Variants in TWIST2 observed in about 807,000 individuals in gnomAD.
TWIST2 encodes twist family bHLH transcription factor 2, also known as twist-related protein 2.
In TWIST2, 1 loss-of-function variant was observed where a neutral mutation model predicts 11.6. The observed-to-expected ratio is 0.09, with a 90% CI of 0.03 to 0.41. The LOEUF is 0.41. Among genes scored for constraint, TWIST2 ranks in the 10% least tolerant of loss-of-function variants. TWIST2 has a pLI of 0.98. For synonymous variants in TWIST2, 87 were observed against 96.6 expected (o/e 0.90, Z 0.58); for missense variants, 168 against 226.4 (o/e 0.74, Z 1.66).
chr2:238,850,818 A>AT (rs1475666056), intron 1 of TWIST2, among the ~76,000 whole-genome samples: 1 of 152,232 alleles, frequency 6.6e-6, no homozygotes, highest in Non-Finnish European at 1.5e-5. Context: ...ATACTGGACT[A>AT]TAACTGAGTA....
chr2:238,902,789 GT>G (rs1693289112), intron 1 of TWIST2, among the ~76,000 whole-genome samples: 1 of 147,898 alleles, frequency 6.8e-6, no homozygotes, highest in South Asian at 2.2e-4. Context: ...GTGATGTGGG[GT>G]GTTGTGATGT....
chr2:238,870,187 T>C (rs1012805671), intron 1 of TWIST2, among the ~76,000 whole-genome samples: 1 of 376 alleles, frequency 2.7e-3, no homozygotes, highest in East Asian at 0.071. Context: ...CACACACACA[T>C]CACATACCAC....
chr2:238,848,918 C>A (rs895935176), intron 1 of TWIST2, among the ~76,000 whole-genome samples, 185 bp downstream of exon 1: 1 of 152,102 alleles, frequency 6.6e-6, no homozygotes, highest in Admixed American at 6.5e-5. Flanking sequence ...CCAGGGACAC[C>A]CCTGAGTGCA....
At chr2:238,857,143 TGG>T (rs1692346255) in intron 1 of TWIST2, among the ~76,000 whole-genome samples, 1 of 152,058 alleles carries the variant, frequency 6.6e-6, no homozygotes. Context: ...AGGGGCACCA[TGG>T]GCATGGTGCC....
intron 1 of TWIST2, among the ~76,000 whole-genome samples, chr2:238,889,754 T>C (rs561653820): frequency 4.6e-5 from 7 of 152,244 alleles, no homozygotes; most frequent in Non-Finnish European, 8.8e-5. Context: ...AAATGACGGC[T>C]CTGATGCTCT....
chr2:238,908,752 T>TGCA (rs1693399823), intron 1 of TWIST2, among the ~76,000 whole-genome samples: 22 of 151,694 alleles, frequency 1.5e-4, no homozygotes, highest in African/African-American at 3.4e-4. Flanking sequence ...GTGGTGTGTT[T>TGCA]GTGTGTGGTA....
intron 1 of TWIST2, among the ~76,000 whole-genome samples, chr2:238,856,148 T>C (rs1035576088): frequency 6.6e-6 from 1 of 152,028 alleles, no homozygotes; most frequent in African/African-American, 2.4e-5. Flanking sequence ...GAGCTTATCT[T>C]GAGGTCCCGT....
chr2:238,906,024 G>A (rs988394529), intron 1 of TWIST2, among the ~76,000 whole-genome samples: 2 of 152,060 alleles, frequency 1.3e-5, no homozygotes, highest in African/African-American at 4.8e-5. Flanking sequence ...GTTTTCATAC[G>A]CATGGGTTTC....
In TWIST2 at chr2:238,867,994, G is replaced by A. The variant is rs1171671430; in HGVS notation, c.*35+19261G>A. On this transcript the variant is annotated intron_variant, in intron 1 of 1. Coordinates refer to ENST00000612363, the MANE Select transcript of TWIST2 (RefSeq NM_001271893.4). The surrounding 1 kb of genome is among the most constrained non-coding windows in gnomAD (Gnocchi z 4.8). The stretch of plus-strand genomic sequence containing the variant: ...CTGCATGTAGTGAGGCTCGGGAAAC[G>A]TGGAACGAAAGAAAGATAGAAAAAA... Among the ~76,000 whole-genome samples the A allele has an allele frequency of 1.3e-5, 2 of 152,206 alleles. No individual in the cohort carries two copies. Among genetic ancestry groups the A allele is most frequent in the South Asian group, 2.1e-4 (1 of 4,834 alleles).
intron 1 of TWIST2, among the ~76,000 whole-genome samples, chr2:238,860,113 G>A (rs372215614): frequency 1.3e-5 from 2 of 152,288 alleles, no homozygotes; most frequent in African/African-American, 4.8e-5. Context: ...CCCAGGGCTC[G>A]TCTGCCCGCT....
In TWIST2 at chr2:238,848,547, C is replaced by T; in HGVS notation, c.332C>T (p.Ala111Val). ...LSKIQTLKLA[A>V]RYIDFLYQVL... ...AAGATCCAGACGCTCAAGCTGGCCG[C>T]CAGGTACATAGACTTCCTCTACCAG... is the stretch of plus-strand genomic sequence containing the variant. The change falls in exon 1 of 2, where the codon GCC becomes GTC. Residue 111 changes from alanine (A) to valine (V), a missense_variant. By Grantham distance (64) the Ala-to-Val change is moderately conservative. Transcript: ENST00000612363. 6.3e-7 allele frequency: 1 copy of T among 1,591,606 alleles called. No homozygotes were observed. The highest frequency in any genetic ancestry group is 8.5e-7 in the Non-Finnish European group (1 of 1,170,908).
At chr2:238,852,136 A>G (rs902808960) in intron 1 of TWIST2, among the ~76,000 whole-genome samples, 1 of 152,132 alleles carries the variant, frequency 6.6e-6, no homozygotes. Flanking sequence ...AAAAAAATTT[A>G]AAAAAAGAAA....
Position 238,909,039 on chromosome 2 carries a change from TGG to T in TWIST2, c.*36-802_*36-801del, listed in dbSNP as rs1693408000. Among the ~76,000 whole-genome samples the T allele has an allele frequency of 5.3e-4, 80 of 152,310 alleles. 3 individuals are homozygous for T. The highest frequency in any genetic ancestry group is 1.8e-3 in the African/African-American group (76 of 41,508). On this transcript the variant is annotated intron_variant, in intron 1 of 1. Coordinates refer to ENST00000612363, the MANE Select transcript of TWIST2 (RefSeq NM_001271893.4). ...TGTATGTGGAGGTGTGGTGTATTCG[TGG>T]TTGTGGTATGTGTATGTGGTGTGTA...
intron 1 of TWIST2, among the ~76,000 whole-genome samples, chr2:238,907,464 G>C (rs1032445400): frequency 6.6e-6 from 1 of 152,270 alleles, no homozygotes; most frequent in East Asian, 1.9e-4. Flanking sequence ...GGTAGCGCCT[G>C]AGCGGGTTCT....
At chr2:238,869,449 C>T (rs964897140) in intron 1 of TWIST2, among the ~76,000 whole-genome samples, 1 of 152,222 alleles carries the variant, frequency 6.6e-6, no homozygotes. Context: ...GCAAATTATC[C>T]ATCTGATAGG....
chr2:238,892,597 C>T (rs376675619), intron 1 of TWIST2, among the ~76,000 whole-genome samples: 4 of 152,116 alleles, frequency 2.6e-5, no homozygotes, highest in African/African-American at 9.7e-5. Context: ...TCTCCTGCCT[C>T]AGCCCCCCGA....
intron 1 of TWIST2, among the ~76,000 whole-genome samples, chr2:238,903,071 T>G: frequency 1.6e-5 from 2 of 121,996 alleles, no homozygotes; most frequent in Non-Finnish European, 1.7e-5. Context: ...TGATGTAGTG[T>G]GTGTGATGTG....
intron 1 of TWIST2, among the ~76,000 whole-genome samples, chr2:238,879,406 G>C (rs945825973): frequency 1.3e-5 from 2 of 152,138 alleles, no homozygotes; most frequent in Non-Finnish European, 2.9e-5. Flanking sequence ...CACTCCCAAA[G>C]CTTCTCATTC....
In TWIST2 at chr2:238,880,641, CTT is replaced by C. The variant is rs1385035164; in HGVS notation, c.*36-29200_*36-29199del. ...TATTAGTATTAGTGTTACTGTTAGT[CTT>C]AGTGTTAGTGTCAGTATTAGTATTA... On this transcript the variant is annotated intron_variant, in intron 1 of 1. Transcript: ENST00000612363. 9.1e-5 allele frequency among the ~76,000 whole-genome samples: 8 copies of C among 88,130 alleles called. No individual in the cohort carries two copies. In the East Asian group the frequency reaches 2.5e-3, roughly 27 times the overall value. 57.8% of individuals were successfully genotyped at this position (88,130 alleles called of 152,430 possible).
Sources: allele counts gnomAD v4.1 joint callset (sites outside exome capture counted in the v4.1 genomes callset), GRCh38; gene constraint gnomAD v4.1.1; non-coding constraint Gnocchi (gnomAD v3.1); transcripts MANE v1.5; gene names NCBI Gene and HGNC (gene_info 2026-07-23, HGNC 2026-07-21).